Variants in NTRK3 observed in about 807,000 individuals in gnomAD.
The protein encoded by NTRK3 is NT-3 growth factor receptor.
NTRK3 carries 24 observed loss-of-function variants against 91.7 expected under a neutral mutation model. The ratio of observed to expected loss-of-function variants is 0.26; its 90% CI spans 0.19 to 0.37. The LOEUF (loss-of-function observed/expected upper bound fraction) is 0.37. Ranked by LOEUF, NTRK3 falls within the 10% of genes least tolerant of loss-of-function variation. NTRK3 has a pLI of 1.00. For missense variants in NTRK3, 880 were observed against 1,068.9 expected (o/e 0.82, Z 2.46); for synonymous variants, 483 against 404.0 (o/e 1.20, Z -2.34).
intron 14 of NTRK3, among the ~76,000 whole-genome samples, chr15:87,954,211 GCT>G (rs1468105814): frequency 6.6e-6 from 1 of 152,136 alleles, no homozygotes; most frequent in African/African-American, 2.4e-5. Context: ...CAGCCCTTGG[GCT>G]CTCTTTGTAC....
At chr15:88,162,651 C>T (rs746217370) in intron 5 of NTRK3, among the ~76,000 whole-genome samples, 7 of 152,168 alleles carry the variant, frequency 4.6e-5, no homozygotes, top group African/African-American at 9.7e-5. Flanking sequence ...GAAGGGGATT[C>T]GAAAGAGCGC....
intron 13 of NTRK3, among the ~76,000 whole-genome samples, chr15:88,040,261 G>C (rs2079473177): frequency 6.6e-6 from 1 of 152,224 alleles, no homozygotes; most frequent in African/African-American, 2.4e-5. Context: ...CAACAGTGGA[G>C]AGGGAACTTC....
intron 13 of NTRK3, among the ~76,000 whole-genome samples, chr15:88,042,517 C>T (rs1192090469): frequency 1.3e-5 from 2 of 152,230 alleles, no homozygotes; most frequent in African/African-American, 4.8e-5. Context: ...CTCCGCACTT[C>T]TCCGCTCCTC....
At chr15:88,026,468 AG>A (rs760818898) in intron 14 of NTRK3, among the ~76,000 whole-genome samples, 1 of 152,092 alleles carries the variant, frequency 6.6e-6, no homozygotes, top group Non-Finnish European at 1.5e-5. Context: ...AGTGGTCGCC[AG>A]GGATTGAAGG....
At chr15:88,000,393 C>T (rs938829986) in intron 14 of NTRK3, among the ~76,000 whole-genome samples, 4 of 152,102 alleles carry the variant, frequency 2.6e-5, no homozygotes, top group African/African-American at 9.7e-5. Context: ...GTTTTTTTCT[C>T]TTAGAATCAT....
At chr15:87,872,568 G>A (rs1359444217) in exon 19 of NTRK3, 8 of 230,804 alleles carry the variant, frequency 3.5e-5, no homozygotes, top group South Asian at 1.8e-4. Context: ...GTTTTGAACA[G>A]GGAAGGTTGA....
At chr15:88,146,411 G>A (rs1219417919) in intron 6 of NTRK3, among the ~76,000 whole-genome samples, 2 of 152,162 alleles carry the variant, frequency 1.3e-5, no homozygotes, top group African/African-American at 4.8e-5. Context: ...ATTTGGATCT[G>A]CGTCACCAAG....
chr15:88,033,065 C>T lies in NTRK3; in HGVS notation c.1397-20G>A, dbSNP rs372822282. On this transcript the variant is annotated intron_variant, in intron 13 of 18. Transcript: ENST00000394480. ...CGGGACCTGCACACACCAAGAGAGACGCAGGACCTGGTGACGTCACATCCG... is the reference window on the plus strand; with the variant it reads ...CGGGACCTGCACACACCAAGAGAGATGCAGGACCTGGTGACGTCACATCCG... The T allele has an allele frequency of 3.1e-4, 481 of 1,558,594 alleles. No homozygotes were observed. The highest frequency in any genetic ancestry group is 6.0e-4 in the African/African-American group (44 of 73,558).
rs116953602 is a variant in NTRK3 at position 88,164,401 on chromosome 15, C to T, written c.396-16998G>A. Among the ~76,000 whole-genome samples the T allele has an allele frequency of 5.6e-3, 851 of 152,340 alleles. 2 individuals are homozygous for T. Among genetic ancestry groups the T allele is most frequent in the Non-Finnish European group, 9.8e-3 (666 of 68,030 alleles). On this transcript the variant is annotated intron_variant, in intron 5 of 18. Coordinates refer to ENST00000394480, the Ensembl canonical transcript of NTRK3. ...ACACTGGAGAACAATCTTCAGAATG[C>T]TGTGACTCCAGGGAGATCCAGTTAA... is the stretch of plus-strand genomic sequence containing the variant.
intron 3 of NTRK3, among the ~76,000 whole-genome samples, chr15:88,198,461 A>G (rs993887029): frequency 6.6e-6 from 1 of 152,056 alleles, no homozygotes. Flanking sequence ...CTCTCCCCTA[A>G]GCTTTTAACA....
intron 5 of NTRK3, among the ~76,000 whole-genome samples, chr15:88,154,243 A>G (rs2043674806): frequency 6.6e-6 from 1 of 152,022 alleles, no homozygotes; most frequent in Non-Finnish European, 1.5e-5. Flanking sequence ...CATCAGCTCC[A>G]CACCAGAGGT....
At chr15:87,973,441 G>A (rs1002547599) in intron 14 of NTRK3, among the ~76,000 whole-genome samples, 5 of 152,090 alleles carry the variant, frequency 3.3e-5, no homozygotes, top group African/African-American at 1.2e-4. Context: ...ACTCACTTTT[G>A]GGTTCAAGTA....
chr15:87,992,206 A>T (rs2075340826), intron 14 of NTRK3, among the ~76,000 whole-genome samples: 1 of 152,172 alleles, frequency 6.6e-6, no homozygotes, highest in Non-Finnish European at 1.5e-5. Flanking sequence ...TGCCATCCTG[A>T]TATTGACATA....
intron 14 of NTRK3, among the ~76,000 whole-genome samples, chr15:87,963,730 G>A (rs2072524757): frequency 6.6e-6 from 1 of 152,104 alleles, no homozygotes; most frequent in African/African-American, 2.4e-5. Flanking sequence ...ACTTATCATG[G>A]GTTTATCAGG....
chr15:88,062,460 A>G (rs2046305207), intron 13 of NTRK3, among the ~76,000 whole-genome samples: 1 of 152,128 alleles, frequency 6.6e-6, no homozygotes, highest in Admixed American at 6.5e-5. Flanking sequence ...AGTAATTCCT[A>G]GGAAGTCTCC....
chr15:88,040,701 C>T (rs1026229287), intron 13 of NTRK3, among the ~76,000 whole-genome samples: 17 of 152,184 alleles, frequency 1.1e-4, no homozygotes, highest in African/African-American at 3.6e-4. Flanking sequence ...GCCCAGCCAA[C>T]GTGTAGAAGT....
At chr15:88,068,230 G>C (rs1421737777) in intron 13 of NTRK3, among the ~76,000 whole-genome samples, 3 of 152,038 alleles carry the variant, frequency 2.0e-5, no homozygotes, top group African/African-American at 4.8e-5. Context: ...CCAGGAGTTC[G>C]AGACCAGCCT....
At chr15:87,975,295 G>C (rs28660346) in intron 14 of NTRK3, among the ~76,000 whole-genome samples, 3,084 of 152,206 alleles carry the variant, frequency 0.02, 98 homozygotes, top group African/African-American at 0.07. Flanking sequence ...TATTGGTACA[G>C]TTGAGTTTCT....
chr15:88,188,732 T>C (rs1302458058), intron 3 of NTRK3, among the ~76,000 whole-genome samples: 1 of 152,192 alleles, frequency 6.6e-6, no homozygotes, highest in Non-Finnish European at 1.5e-5. Context: ...GTCACAGGCA[T>C]TTCTTGAGAG....
Sources: allele counts gnomAD v4.1 joint callset (sites outside exome capture counted in the v4.1 genomes callset), GRCh38; gene constraint gnomAD v4.1.1; transcripts MANE v1.5; gene names NCBI Gene and HGNC (gene_info 2026-07-23, HGNC 2026-07-21).